Variants in GYG1 observed in about 807,000 individuals in gnomAD.
GYG1 encodes the protein glycogenin 1.
Under a neutral mutation model 41.9 loss-of-function variants are expected in GYG1, and 44 were observed. The ratio of observed to expected loss-of-function variants is 1.05; its 90% CI spans 0.83 to 1.35. The LOEUF (loss-of-function observed/expected upper bound fraction) is 1.35, where lower values mean the gene tolerates loss of function less well. Ranked by LOEUF, GYG1 falls within the 40% of genes most tolerant of loss-of-function variation. The pLI is 0.00. For missense variants in GYG1, 429 were observed against 418.9 expected (o/e 1.02, Z -0.21); for synonymous variants, 141 against 158.1 (o/e 0.89, Z 0.81).
At chr3:149,020,635 T>C (rs1479893625) in intron 5 of GYG1, among the ~76,000 whole-genome samples, 1 of 152,278 alleles carries the variant, frequency 6.6e-6, no homozygotes, top group African/African-American at 2.4e-5. Flanking sequence ...TACTGCTTAG[T>C]CATTAGTAAA....
chr3:148,997,009 T>G, intron 4 of GYG1, 105 bp downstream of exon 4: 1 of 870,862 alleles, frequency 1.1e-6, no homozygotes, highest in East Asian at 2.5e-5. Context: ...CTGGAAGATA[T>G]AAGAGATGGA....
intron 5 of GYG1, among the ~76,000 whole-genome samples, chr3:149,016,889 G>A (rs1248930677): frequency 1.3e-5 from 2 of 152,212 alleles, no homozygotes; most frequent in Admixed American, 1.3e-4. Context: ...AGGTGCATGA[G>A]TGAGTCGCAA....
chr3:148,992,645 A>G (rs1559995170), intron 1 of GYG1: 1 of 152,242 alleles, frequency 6.6e-6, no homozygotes, highest in Non-Finnish European at 1.5e-5. Flanking sequence ...TAGCTTAAGT[A>G]TTTTTGGTAC....
intron 6 of GYG1, among the ~76,000 whole-genome samples, chr3:149,025,104 T>C (rs1714582721): frequency 6.6e-6 from 1 of 152,232 alleles, no homozygotes. Context: ...AACTAACACT[T>C]GCATTCTTAC....
At chr3:149,022,482 T>C (rs1714421512) in intron 5 of GYG1, among the ~76,000 whole-genome samples, 1 of 139,526 alleles carries the variant, frequency 7.2e-6, no homozygotes, top group Non-Finnish European at 1.5e-5. Context: ...AAACAGTACC[T>C]TTTTTCTTGT....
At chr3:149,015,173 G>C (rs937695830) in intron 5 of GYG1, among the ~76,000 whole-genome samples, 2 of 152,192 alleles carry the variant, frequency 1.3e-5, no homozygotes, top group Admixed American at 1.3e-4. Flanking sequence ...CGTAGGGGTA[G>C]GGATTGGTCA....
In GYG1 at chr3:149,029,148, T is replaced by G. The variant is rs1446814538; in HGVS notation, c.*2215T>G. Among the ~76,000 whole-genome samples, 1 of 152,230 alleles carries G rather than the reference T, an allele frequency of 6.6e-6. No individual in the cohort carries two copies. The highest frequency in any genetic ancestry group is 1.5e-5 in the Non-Finnish European group (1 of 68,032). ...GGCTAGAAAATCACTGAACTAAACA[T>G]TCTTTTCCTTCTATGATCTATGTCT... On this transcript the variant is annotated 3_prime_UTR_variant, in exon 8 of 8. Transcript: ENST00000345003.
Position 149,009,321 on chromosome 3 carries a change from C to CA in GYG1, c.529dup (p.Thr177AsnfsTer12), listed in dbSNP as rs751180203. 1.9e-6 allele frequency: 3 copies of CA among 1,613,010 alleles called. No homozygotes were observed. The Admixed American group carries it at 5.0e-5, about 27-fold the overall frequency. Reference sequence around the variant, plus strand: ...AACACATTTTTTAGCAGCTGGGCAACAACAGATATCAGAAAACACCTGCCG... The same window carrying CA: ...AACACATTTTTTAGCAGCTGGGCAACAAACAGATATCAGAAAACACCTGCCG... On this transcript the variant is annotated frameshift_variant, in exon 5 of 8. Transcript: ENST00000345003. LOFTEE classifies it high-confidence loss of function.
Position 149,024,209 on chromosome 3 carries a change from C to T in GYG1, c.765C>T (p.Thr255=). Residue 255 remains threonine, a synonymous_variant, in exon 6 of 8, where the codon ACC becomes ACT. Coordinates refer to ENST00000345003, the MANE Select transcript of GYG1 (RefSeq NM_004130.4). ...TCCTGTGGTGGAACATCTTTACCAC[C>T]AACGTTTTACCTCTGCTTCAACAAT... The part of the protein sequence containing the change: ...FLILWWNIFT[T]NVLPLLQQFG... 4 of 1,613,770 alleles carry T rather than the reference C, an allele frequency of 2.5e-6. No homozygotes were observed. The highest frequency in any genetic ancestry group is 3.4e-6 in the Non-Finnish European group (4 of 1,179,730).
At chr3:148,999,579 CAT>C (rs1275844680) in intron 4 of GYG1, among the ~76,000 whole-genome samples, 1 of 152,162 alleles carries the variant, frequency 6.6e-6, no homozygotes, top group African/African-American at 2.4e-5. Context: ...AACTGTGTGA[CAT>C]AAAGATGTGT....
intron 4 of GYG1, among the ~76,000 whole-genome samples, chr3:149,006,575 C>T (rs950645387): frequency 3.3e-5 from 5 of 152,138 alleles, no homozygotes; most frequent in African/African-American, 1.2e-4. Flanking sequence ...TATTGTATCT[C>T]TAGTTTGTTC....
intron 5 of GYG1, among the ~76,000 whole-genome samples, chr3:149,016,030 C>T (rs1051583102): frequency 1.9e-4 from 29 of 151,446 alleles, no homozygotes; most frequent in African/African-American, 6.6e-4. Flanking sequence ...TGAGAGGCCG[C>T]GGCAGGCAGA....
intron 5 of GYG1, among the ~76,000 whole-genome samples, chr3:149,011,261 T>C (rs2107905470): frequency 6.6e-6 from 1 of 152,330 alleles, no homozygotes; most frequent in South Asian, 2.1e-4. Flanking sequence ...AATGTGAACC[T>C]GATCCATTTT....
At chr3:149,017,217 G>T (rs1714097259) in intron 5 of GYG1, among the ~76,000 whole-genome samples, 1 of 152,334 alleles carries the variant, frequency 6.6e-6, no homozygotes, top group Non-Finnish European at 1.5e-5. Flanking sequence ...CACATAAGCA[G>T]TATTATTGCT....
At chr3:148,996,500 A>C (rs1559834519) in intron 3 of GYG1, 24 bp downstream of exon 3, 1 of 1,587,022 alleles carries the variant, frequency 6.3e-7, no homozygotes, top group Non-Finnish European at 8.6e-7. Context: ...TGAGGGTAGA[A>C]AAGAAAGACA....
chr3:149,007,946 A>G (rs888474939), intron 4 of GYG1: 3 of 152,186 alleles, frequency 2.0e-5, no homozygotes, highest in African/African-American at 7.2e-5. Context: ...TGTGTCTTGT[A>G]TTGTTTTTAT....
chr3:149,012,447 A>G (rs1713786586), intron 5 of GYG1, among the ~76,000 whole-genome samples: 2 of 152,204 alleles, frequency 1.3e-5, no homozygotes, highest in South Asian at 4.1e-4. Context: ...ATAACCATGC[A>G]CTAGGATGTC....
intron 4 of GYG1, among the ~76,000 whole-genome samples, chr3:149,000,477 G>C (rs1209929423): frequency 6.6e-6 from 1 of 152,216 alleles, no homozygotes; most frequent in African/African-American, 2.4e-5. Flanking sequence ...TTATATTGTA[G>C]GTTCTAATCA....
chr3:149,026,985 T>C lies in GYG1; in HGVS notation c.*52T>C. On this transcript the variant is annotated 3_prime_UTR_variant, in exon 8 of 8. Coordinates refer to ENST00000345003, the MANE Select transcript of GYG1 (RefSeq NM_004130.4). ...TCCACTTCACAAGCCTTGTTTCTGA[T>C]ACTTAGTATCTAGAGCTGGGTTGAG... 1.3e-6 allele frequency: 2 copies of C among 1,583,000 alleles called. No individual in the cohort carries two copies. The highest frequency in any genetic ancestry group is 1.7e-6 in the Non-Finnish European group (2 of 1,151,446).
Sources: allele counts gnomAD v4.1 joint callset (sites outside exome capture counted in the v4.1 genomes callset), GRCh38; gene constraint gnomAD v4.1.1; transcripts MANE v1.5; gene names NCBI Gene and HGNC (gene_info 2026-07-23, HGNC 2026-07-21).